Variants in CNBD1 observed in about 807,000 individuals in gnomAD.
CNBD1 encodes the protein cyclic nucleotide-binding domain-containing protein 1.
Under a neutral mutation model 54.4 loss-of-function variants are expected in CNBD1, and 71 were observed. The ratio of observed to expected loss-of-function variants is 1.30; its 90% CI spans 1.08 to 1.59. The LOEUF (loss-of-function observed/expected upper bound fraction) is 1.59, where lower values mean the gene tolerates loss of function less well. Among genes scored for constraint, CNBD1 ranks in the 40% most tolerant of loss-of-function variants. CNBD1 has a pLI of 0.00. For synonymous variants in CNBD1, 182 were observed against 170.7 expected (o/e 1.07, Z -0.51); for missense variants, 659 against 518.0 (o/e 1.27, Z -2.64).
intron 4 of CNBD1, among the ~76,000 whole-genome samples, chr8:87,045,678 T>C (rs1456418304): frequency 6.8e-6 from 1 of 147,384 alleles, no homozygotes; most frequent in Non-Finnish European, 1.5e-5. Flanking sequence ...TGAGCTAAGA[T>C]TGCGCCACTG....
At chr8:87,392,759 T>C (rs1326065111) in intron 2 of CNBD1, among the ~76,000 whole-genome samples, 1 of 151,914 alleles carries the variant, frequency 6.6e-6, no homozygotes, top group Non-Finnish European at 1.5e-5. Flanking sequence ...TCTGTGAATA[T>C]AATGAAAAAC....
At chr8:87,164,458 G>A (rs999164641) in intron 4 of CNBD1, among the ~76,000 whole-genome samples, 6 of 151,572 alleles carry the variant, frequency 4.0e-5, no homozygotes, top group Admixed American at 6.6e-5. Flanking sequence ...TAATTACTGA[G>A]TCAATTTCTT....
chr8:87,309,944 A>C (rs1809230169), intron 8 of CNBD1, among the ~76,000 whole-genome samples: 1 of 152,152 alleles, frequency 6.6e-6, no homozygotes, highest in Non-Finnish European at 1.5e-5. Flanking sequence ...ACCCCTAAAA[A>C]CTTTGCCACC....
At chr8:87,019,606 G>A (rs779011729) in intron 4 of CNBD1, among the ~76,000 whole-genome samples, 29 of 152,090 alleles carry the variant, frequency 1.9e-4, no homozygotes, top group Admixed American at 7.2e-4. Flanking sequence ...GGCTGGGTGC[G>A]GTGGCTCACA....
At chr8:87,186,312 CATA>C (rs1813474579) in intron 4 of CNBD1, among the ~76,000 whole-genome samples, 1 of 152,050 alleles carries the variant, frequency 6.6e-6, no homozygotes, top group Admixed American at 6.5e-5. Flanking sequence ...ATAAATTCTG[CATA>C]ATATTTATAA....
intron 4 of CNBD1, among the ~76,000 whole-genome samples, chr8:87,035,719 G>A (rs1353794785): frequency 1.3e-5 from 2 of 152,154 alleles, no homozygotes. Context: ...ATATAAAACA[G>A]AACTTTGCTT....
chr8:86,951,373 G>A (rs1766592141), intron 4 of CNBD1, among the ~76,000 whole-genome samples: 1 of 151,680 alleles, frequency 6.6e-6, no homozygotes, highest in South Asian at 2.1e-4. Flanking sequence ...CAGATCACCT[G>A]AGGTTAGGAG....
intron 4 of CNBD1, among the ~76,000 whole-genome samples, chr8:86,984,036 G>A (rs985535263): frequency 3.9e-5 from 6 of 152,132 alleles, no homozygotes; most frequent in African/African-American, 1.4e-4. Flanking sequence ...AGAGGACTAG[G>A]AGAAAAAAAC....
chr8:87,028,298 A>G (rs181894036), intron 4 of CNBD1, among the ~76,000 whole-genome samples: 409 of 152,296 alleles, frequency 2.7e-3, no homozygotes, highest in African/African-American at 8.9e-3. Flanking sequence ...GCCAGATGCA[A>G]TGGGGCCGGA....
chr8:87,381,898 G>T (rs1811083040), intron 10 of CNBD1, among the ~76,000 whole-genome samples: 1 of 151,858 alleles, frequency 6.6e-6, no homozygotes, highest in African/African-American at 2.4e-5. Context: ...AGTTACACAA[G>T]ATGAATAAGT....
At chr8:87,133,867 T>A (rs1812172382) in intron 4 of CNBD1, among the ~76,000 whole-genome samples, 1 of 152,124 alleles carries the variant, frequency 6.6e-6, no homozygotes, top group South Asian at 2.1e-4. Context: ...TTGTTGCGTG[T>A]AATTTAACCT....
intron 3 of CNBD1, among the ~76,000 whole-genome samples, chr8:86,914,839 C>A (rs1809157923): frequency 6.6e-6 from 1 of 152,110 alleles, no homozygotes; most frequent in African/African-American, 2.4e-5. Context: ...AATGCTTGAG[C>A]AAATGTATCA....
At chr8:87,217,327 G>A (rs539915095) in intron 5 of CNBD1, among the ~76,000 whole-genome samples, 49 of 152,004 alleles carry the variant, frequency 3.2e-4, no homozygotes, top group Non-Finnish European at 5.3e-4. Context: ...GAATCAAATC[G>A]TCACTCAGTT....
At chr8:86,881,440 A>G (rs940632809) in intron 1 of CNBD1, among the ~76,000 whole-genome samples, 4 of 152,290 alleles carry the variant, frequency 2.6e-5, no homozygotes, top group African/African-American at 9.6e-5. Flanking sequence ...AGAATAAAAT[A>G]CCTAGGAATA....
At chr8:86,950,066 T>G (rs1312043004) in intron 4 of CNBD1, among the ~76,000 whole-genome samples, 2 of 78,974 alleles carry the variant, frequency 2.5e-5, no homozygotes, top group Non-Finnish European at 5.2e-5. Flanking sequence ...TTTTTTTTTT[T>G]TTTTTTTTTT....
intron 10 of CNBD1, among the ~76,000 whole-genome samples, chr8:87,357,516 C>G (rs1316821828): frequency 1.3e-5 from 2 of 152,186 alleles, no homozygotes; most frequent in Non-Finnish European, 2.9e-5. Context: ...GGGTTTCAGA[C>G]ATGCATGGGG....
At chr8:86,912,439 G>A (rs531792943) in intron 3 of CNBD1, among the ~76,000 whole-genome samples, 1 of 152,168 alleles carries the variant, frequency 6.6e-6, no homozygotes, top group East Asian at 1.9e-4. Context: ...ATACCATGGT[G>A]GTCCCATAAA....
intron 6 of CNBD1, among the ~76,000 whole-genome samples, chr8:87,255,299 T>C (rs1484373605): frequency 6.6e-6 from 1 of 152,106 alleles, no homozygotes; most frequent in Non-Finnish European, 1.5e-5. Context: ...AAACAAGATG[T>C]AGAGGGTCCA....
intron 4 of CNBD1, among the ~76,000 whole-genome samples, chr8:86,981,233 C>G (rs1808480615): frequency 6.6e-6 from 1 of 152,154 alleles, no homozygotes; most frequent in Admixed American, 6.5e-5. Context: ...AGTATTATGG[C>G]AGAGATTCCA....
Sources: allele counts gnomAD v4.1 joint callset (sites outside exome capture counted in the v4.1 genomes callset), GRCh38; gene constraint gnomAD v4.1.1; transcripts MANE v1.5; gene names NCBI Gene and HGNC (gene_info 2026-07-23, HGNC 2026-07-21).